Variants in TANGO6 observed in about 807,000 individuals in gnomAD.
TANGO6 encodes transport and Golgi organization protein 6 homolog.
In TANGO6, 90 loss-of-function variants were observed where a neutral mutation model predicts 114.2. The observed-to-expected ratio is 0.79, with a 90% CI of 0.66 to 0.94. The LOEUF is 0.94. Ranked by LOEUF, TANGO6 falls within the 40% of genes least tolerant of loss-of-function variation. The pLI is 0.00. For missense variants in TANGO6, 1,274 were observed against 1,315.3 expected, an observed-to-expected ratio of 0.97 and a Z score of 0.49; for synonymous variants, 477 against 509.8, an observed-to-expected ratio of 0.94 and a Z score of 0.87.
chr16:68,865,548 A>C (rs1387809135), intron 3 of TANGO6, among the ~76,000 whole-genome samples: 1 of 152,216 alleles, frequency 6.6e-6, no homozygotes, highest in Non-Finnish European at 1.5e-5. Context: ...ATTTATTCAC[A>C]GTGGCTCCAC....
At chr16:68,878,085 A>C in intron 5 of TANGO6, 33 bp from the exon 6 acceptor site, 1 of 1,577,958 alleles carries the variant, frequency 6.3e-7, no homozygotes, top group South Asian at 1.2e-5. Context: ...CCTTGCAAAA[A>C]ACTGGTATTT....
rs936193000 is a variant in TANGO6, at chr16:68,909,331, C to T, written c.1921C>T (p.Leu641=). ...TCTTGTGGAAGGCCAAGAGCGGAAG[C>T]TGCTTGTCCTGCAGCTGATGGCTGT... is the stretch of plus-strand genomic sequence containing the variant. ...TLLVEGQERK[L]LVLQLMAVLC... The change falls in exon 11 of 18, where the codon CTG becomes TTG. Residue 641 remains leucine, a synonymous_variant. Coordinates refer to ENST00000261778, the MANE Select transcript of TANGO6 (RefSeq NM_024562.2). 3 of 1,608,810 alleles carry T rather than the reference C, an allele frequency of 1.9e-6. No individual in the cohort carries two copies. Among genetic ancestry groups the T allele is most frequent in the African/African-American group, 2.7e-5 (2 of 74,730 alleles).
At chr16:69,053,003 G>C (rs1044318422) in intron 17 of TANGO6, among the ~76,000 whole-genome samples, 3 of 152,054 alleles carry the variant, frequency 2.0e-5, no homozygotes, top group African/African-American at 7.2e-5. Context: ...AGCTACTCAG[G>C]AGGCTGAGGC....
At chr16:68,949,805 A>G (rs186757278) in intron 14 of TANGO6, among the ~76,000 whole-genome samples, 233 of 152,052 alleles carry the variant, frequency 1.5e-3, no homozygotes, top group African/African-American at 5.0e-3. Context: ...TGAGAAATGA[A>G]AACATATGTC....
At chr16:68,940,325 A>G (rs1963340357) in intron 14 of TANGO6, among the ~76,000 whole-genome samples, 1 of 152,028 alleles carries the variant, frequency 6.6e-6, no homozygotes, top group Non-Finnish European at 1.5e-5. Flanking sequence ...TGTTGGGATT[A>G]CAGACATGAG....
In TANGO6 at chr16:69,082,488, T is replaced by C. The variant is rs114448119; in HGVS notation, c.3109-997T>C. ...TAGGCCAGGCGGGGTGGCTCATGCC[T>C]GTAATAGCAATACTTTGGGAGGCCG... On this transcript the variant is annotated intron_variant, in intron 17 of 17. Transcript: ENST00000261778. Among the ~76,000 whole-genome samples, 762 of 152,126 alleles carry C rather than the reference T, an allele frequency of 5.0e-3. 2 individuals carry two copies. The highest frequency in any genetic ancestry group is 0.018 in the African/African-American group (744 of 41,522).
intron 15 of TANGO6, among the ~76,000 whole-genome samples, chr16:69,009,293 C>T (rs1041016302): frequency 1.6e-4 from 25 of 151,892 alleles, no homozygotes; most frequent in Non-Finnish European, 3.5e-4. Context: ...GTTGATAAGG[C>T]TGGTCTCGAA....
Position 68,902,461 on chromosome 16 carries a change from G to T in TANGO6, c.1624G>T (p.Ala542Ser), listed in dbSNP as rs779264632. Residue 542 changes from alanine (A) to serine (S), a missense_variant, in exon 9 of 18, where the codon GCC (alanine) becomes TCC (serine). By Grantham distance (99) the Ala-to-Ser change is moderately conservative. This residue lies in a region of TANGO6 where 908 missense variants were observed against 910.2 expected (regional missense o/e 1.00). Coordinates refer to ENST00000261778, the MANE Select transcript of TANGO6 (RefSeq NM_024562.2). ...SLHSLCQFRVATQGGIMITIK... is the reference protein window; with the variant it reads ...SLHSLCQFRVSTQGGIMITIK... ...CCATTCTCTGTGTCAGTTTAGAGTT[G>T]CCACTCAAGGTGGCATTATGATTAC... 1.9e-6 allele frequency: 3 copies of T among 1,613,122 alleles called. No homozygotes were observed. The highest frequency in any genetic ancestry group is 2.5e-6 in the Non-Finnish European group (3 of 1,179,502).
chr16:68,861,179 C>T (rs1038457711), intron 2 of TANGO6, among the ~76,000 whole-genome samples: 5 of 152,020 alleles, frequency 3.3e-5, no homozygotes, highest in Non-Finnish European at 7.4e-5. Flanking sequence ...ACAGGGATGA[C>T]GCAGCAGGAA....
At chr16:68,890,208 C>A (rs960894672) in intron 7 of TANGO6, among the ~76,000 whole-genome samples, 10 of 152,160 alleles carry the variant, frequency 6.6e-5, no homozygotes, top group African/African-American at 2.4e-4. Context: ...ACATGTACAT[C>A]CCTGTAAAAG....
chr16:69,040,478 CA>C, intron 17 of TANGO6, 57 bp downstream of exon 17: 1 of 1,427,912 alleles, frequency 7.0e-7, no homozygotes, highest in South Asian at 1.2e-5. Flanking sequence ...GTCTATTTCT[CA>C]ATCTTCCTTT....
chr16:68,977,713 A>AT (rs984872810), intron 15 of TANGO6, among the ~76,000 whole-genome samples: 6 of 150,512 alleles, frequency 4.0e-5, no homozygotes, highest in Admixed American at 2.0e-4. Context: ...AAAAAAAAAA[A>AT]GAGATGGAGT....
intron 7 of TANGO6, among the ~76,000 whole-genome samples, chr16:68,896,354 T>A (rs138934533): frequency 5.8e-4 from 88 of 151,718 alleles, no homozygotes; most frequent in Non-Finnish European, 9.9e-4. Context: ...GACGGAATCT[T>A]GTTCTGTTGC....
At chr16:69,036,808 C>T (rs1466859864) in intron 16 of TANGO6, among the ~76,000 whole-genome samples, 1 of 151,962 alleles carries the variant, frequency 6.6e-6, no homozygotes, top group Non-Finnish European at 1.5e-5. Flanking sequence ...ACAAAAACTA[C>T]ACAAATTAGC....
chr16:68,907,694 A>G (rs1357367326), intron 10 of TANGO6, 119 bp downstream of exon 10: 21 of 1,234,500 alleles, frequency 1.7e-5, no homozygotes, highest in Admixed American at 9.5e-5. Flanking sequence ...TTTAAGGAAA[A>G]TGGTCAGAGG....
In TANGO6 at chr16:68,974,178, C is replaced by T; in HGVS notation, c.2842+10C>T. 8.7e-6 allele frequency: 14 copies of T among 1,613,882 alleles called. No homozygotes were observed. Among genetic ancestry groups the T allele is most frequent in the Non-Finnish European group, 1.2e-5 (14 of 1,179,846 alleles). On this transcript the variant is annotated intron_variant, in intron 15 of 17. Transcript: ENST00000261778. ...ATCGTCAGGGCATTAGGTGAGTTTT[C>T]TTGTTCCATCCACCTGGAAAAGGGT...
chr16:68,965,288 T>C (rs542424269), intron 14 of TANGO6, among the ~76,000 whole-genome samples: 17 of 152,208 alleles, frequency 1.1e-4, no homozygotes, highest in Admixed American at 1.0e-3. Flanking sequence ...GCCTCCTGAG[T>C]AGCTGGGATT....
At chr16:69,028,712 C>T (rs530198651) in intron 16 of TANGO6, among the ~76,000 whole-genome samples, 1 of 151,876 alleles carries the variant, frequency 6.6e-6, no homozygotes, top group South Asian at 2.1e-4. Flanking sequence ...GGTACAATCA[C>T]ACACACTTTT....
chr16:69,033,492 C>T (rs1464926164), intron 16 of TANGO6, among the ~76,000 whole-genome samples: 1 of 152,134 alleles, frequency 6.6e-6, no homozygotes, highest in African/African-American at 2.4e-5. Flanking sequence ...CACGATAGAG[C>T]CAGCACCAAG....
Sources: allele counts gnomAD v4.1 joint callset (sites outside exome capture counted in the v4.1 genomes callset), GRCh38; gene constraint gnomAD v4.1.1; regional missense constraint gnomAD v4.1.1; transcripts MANE v1.5; gene names NCBI Gene and HGNC (gene_info 2026-07-23, HGNC 2026-07-21).